Variants in KCNH7 observed in about 807,000 individuals in gnomAD.
KCNH7 encodes voltage-gated inwardly rectifying potassium channel KCNH7.
KCNH7 carries 49 observed loss-of-function variants against 120.8 expected under a neutral mutation model. That is an observed-to-expected ratio of 0.41 (90% CI 0.32 to 0.51). KCNH7 has a LOEUF of 0.51. Ranked by LOEUF, KCNH7 falls within the 20% of genes least tolerant of loss-of-function variation. KCNH7 has a pLI of 0.38. For synonymous variants in KCNH7, 547 were observed against 516.1 expected (o/e 1.06, Z -0.81); for missense variants, 1,097 against 1,446.6 (o/e 0.76, Z 3.92).
chr2:162,789,801 C>G (rs1410691961), intron 2 of KCNH7, among the ~76,000 whole-genome samples: 1 of 151,660 alleles, frequency 6.6e-6, no homozygotes, highest in Non-Finnish European at 1.5e-5. Context: ...TATCTTGAGA[C>G]AAAAATGAAA....
chr2:162,515,066 T>C (rs919499434), intron 4 of KCNH7, among the ~76,000 whole-genome samples: 1 of 151,796 alleles, frequency 6.6e-6, no homozygotes, highest in Admixed American at 6.6e-5. Flanking sequence ...TTATAAAGTC[T>C]TAGGGAATGT....
intron 2 of KCNH7, among the ~76,000 whole-genome samples, chr2:162,649,401 A>G (rs1684490119): frequency 6.6e-6 from 1 of 152,220 alleles, no homozygotes; most frequent in Non-Finnish European, 1.5e-5. Flanking sequence ...TTACTTTTAG[A>G]TCTGTAATAA....
chr2:162,543,338 TAG>T (rs1376365274), intron 2 of KCNH7, among the ~76,000 whole-genome samples: 1 of 151,728 alleles, frequency 6.6e-6, no homozygotes, highest in African/African-American at 2.4e-5. Context: ...ATTACAACAA[TAG>T]TGAATGTATT....
At chr2:162,786,796 A>G (rs1022698470) in intron 2 of KCNH7, among the ~76,000 whole-genome samples, 3 of 152,218 alleles carry the variant, frequency 2.0e-5, no homozygotes, top group African/African-American at 7.2e-5. Context: ...CATCAGCAAC[A>G]TGGTGGAATA....
At chr2:162,480,379 G>A (rs75360775) in intron 6 of KCNH7, among the ~76,000 whole-genome samples, 1 of 152,258 alleles carries the variant, frequency 6.6e-6, no homozygotes, top group African/African-American at 2.4e-5. Context: ...CTATAGCAAT[G>A]GGATTGGGAG....
In KCNH7 at chr2:162,781,153, TATAA is replaced by T. The variant is rs1434992928; in HGVS notation, c.307+55380_307+55383del. Among the ~76,000 whole-genome samples the T allele has an allele frequency of 2.0e-5, 3 of 152,120 alleles. No homozygotes were observed. The East Asian group carries it at 5.8e-4, about 29-fold the overall frequency. On this transcript the variant is annotated intron_variant, in intron 2 of 15. Transcript: ENST00000332142. ...TATATACCAAGTGTATATTCACACT[TATAA>T]ATAATGATATTGATAATAACATGAA...
At chr2:162,425,595 G>C (rs1053989549) in intron 8 of KCNH7, among the ~76,000 whole-genome samples, 2 of 152,106 alleles carry the variant, frequency 1.3e-5, no homozygotes, top group Non-Finnish European at 2.9e-5. Context: ...AATTACGTGT[G>C]ATGCTATGTT....
intron 2 of KCNH7, among the ~76,000 whole-genome samples, chr2:162,581,191 C>A (rs1305422166): frequency 6.6e-6 from 1 of 151,986 alleles, no homozygotes; most frequent in Non-Finnish European, 1.5e-5. Flanking sequence ...ATTTTGATTT[C>A]AAATAATAGT....
intron 2 of KCNH7, among the ~76,000 whole-genome samples, chr2:162,767,751 T>C (rs1487449514): frequency 6.6e-6 from 1 of 152,132 alleles, no homozygotes; most frequent in African/African-American, 2.4e-5. Context: ...GAATACTTCA[T>C]AGTCTTTTTA....
chr2:162,697,125 C>A (rs760558887), intron 2 of KCNH7, among the ~76,000 whole-genome samples: 2 of 151,976 alleles, frequency 1.3e-5, no homozygotes, highest in Non-Finnish European at 1.5e-5. Flanking sequence ...TATTGAGCAC[C>A]AATGAATGTT....
intron 2 of KCNH7, among the ~76,000 whole-genome samples, chr2:162,613,048 G>A (rs527592055): frequency 6.6e-6 from 1 of 151,938 alleles, no homozygotes; most frequent in South Asian, 2.1e-4. Context: ...TCTATATAAT[G>A]ACAGAAAGTA....
chr2:162,818,661 A>G (rs187125695), intron 2 of KCNH7, among the ~76,000 whole-genome samples: 51 of 152,272 alleles, frequency 3.3e-4, no homozygotes, highest in African/African-American at 1.2e-3. Flanking sequence ...CATCTTTTCA[A>G]TATTTCAAGT....
intron 3 of KCNH7, among the ~76,000 whole-genome samples, chr2:162,532,771 C>T (rs188205928): frequency 7.2e-5 from 11 of 151,830 alleles, no homozygotes; most frequent in Admixed American, 5.9e-4. Flanking sequence ...TACACATTAT[C>T]TACTTGACAA....
chr2:162,737,693 T>G (rs970863724), intron 2 of KCNH7, among the ~76,000 whole-genome samples: 8 of 152,136 alleles, frequency 5.3e-5, no homozygotes, highest in African/African-American at 1.9e-4. Flanking sequence ...CAATTTTGGT[T>G]TCTCCACTAT....
At chr2:162,590,668 C>A (rs1417376900) in intron 2 of KCNH7, among the ~76,000 whole-genome samples, 1 of 152,094 alleles carries the variant, frequency 6.6e-6, no homozygotes, top group Non-Finnish European at 1.5e-5. Context: ...AATCTATCAG[C>A]AGGAAGTCTT....
intron 2 of KCNH7, among the ~76,000 whole-genome samples, chr2:162,710,255 A>G (rs10179075): frequency 0.18 from 27,940 of 152,178 alleles, 3,280 homozygotes; most frequent in East Asian, 0.42. Context: ...ACTAAAATGA[A>G]TGTGGGGAAT....
At chr2:162,599,433 C>A (rs931528811) in intron 2 of KCNH7, among the ~76,000 whole-genome samples, 2 of 151,816 alleles carry the variant, frequency 1.3e-5, no homozygotes, top group African/African-American at 4.8e-5. Flanking sequence ...GTTGTGAAAT[C>A]AAATTAGAAT....
intron 2 of KCNH7, among the ~76,000 whole-genome samples, chr2:162,545,007 T>A (rs1692430244): frequency 6.6e-6 from 1 of 152,210 alleles, no homozygotes. Flanking sequence ...TCTGAATGTC[T>A]TCCATGTGCC....
At chr2:162,440,348 T>C (rs1236028272) in intron 7 of KCNH7, among the ~76,000 whole-genome samples, 1 of 152,004 alleles carries the variant, frequency 6.6e-6, no homozygotes, top group Non-Finnish European at 1.5e-5. Context: ...TTTTTGTCAA[T>C]AAATATTTGG....
Sources: allele counts gnomAD v4.1 joint callset (sites outside exome capture counted in the v4.1 genomes callset), GRCh38; gene constraint gnomAD v4.1.1; transcripts MANE v1.5; gene names NCBI Gene and HGNC (gene_info 2026-07-23, HGNC 2026-07-21).